The following RGS6 variants were observed in gnomAD, a reference collection of about 807,000 sequenced individuals.
RGS6 encodes regulator of G protein signaling 6.
RGS6 carries 30 observed loss-of-function variants against 78.5 expected under a neutral mutation model. The observed-to-expected ratio is 0.38, with a 90% CI of 0.29 to 0.52. RGS6 has a LOEUF of 0.52. RGS6 is among the 20% of genes least tolerant of loss of function. The pLI is 0.85. For missense variants in RGS6, 495 were observed against 609.7 expected (o/e 0.81, Z 1.98); for synonymous variants, 206 against 206.0 (o/e 1.00, Z 0.00).
At chr14:71,960,012 G>A (rs2153033712) in intron 1 of RGS6, among the ~76,000 whole-genome samples, 1 of 152,248 alleles carries the variant, frequency 6.6e-6, no homozygotes, top group South Asian at 2.1e-4. Context: ...TACCATCGAG[G>A]CCCTTCCTTC....
chr14:72,478,891 G>T (rs904551231), intron 12 of RGS6, among the ~76,000 whole-genome samples: 1 of 152,150 alleles, frequency 6.6e-6, no homozygotes, highest in African/African-American at 2.4e-5. Context: ...GTTCCACTCC[G>T]TTAACTCATG....
the RGS6 span, among the ~76,000 whole-genome samples, chr14:72,573,354 G>A: frequency 6.6e-6 from 1 of 152,194 alleles, no homozygotes; most frequent in Non-Finnish European, 1.5e-5. Context: ...TTCACCACTA[G>A]TAGTGTGGCC....
intron 1 of RGS6, among the ~76,000 whole-genome samples, chr14:71,938,798 C>T (rs2089997322): frequency 1.3e-5 from 2 of 152,182 alleles, no homozygotes; most frequent in Non-Finnish European, 2.9e-5. Flanking sequence ...GACTTGATGA[C>T]CCAGTCAAAC....
intron 3 of RGS6, among the ~76,000 whole-genome samples, chr14:72,402,525 A>G (rs1382771009): frequency 6.6e-6 from 1 of 152,182 alleles, no homozygotes; most frequent in Non-Finnish European, 1.5e-5. Context: ...CACCATCATC[A>G]GGGAAATGCA....
intron 17 of RGS6, chr14:72,541,480 A>T (rs1206579928): frequency 2.6e-6 from 4 of 1,535,554 alleles, no homozygotes; most frequent in South Asian, 2.4e-5. Context: ...AATGTGCAGA[A>T]CACAAGGCCT....
intron 2 of RGS6, among the ~76,000 whole-genome samples, chr14:72,241,583 T>TCA (rs891707971): frequency 1.3e-5 from 2 of 152,202 alleles, no homozygotes; most frequent in Non-Finnish European, 2.9e-5. Context: ...ATAATTTAGA[T>TCA]CACACAATGT....
intron 15 of RGS6, among the ~76,000 whole-genome samples, chr14:72,527,139 G>A (rs2097129559): frequency 6.6e-6 from 1 of 152,206 alleles, no homozygotes; most frequent in African/African-American, 2.4e-5. Context: ...CCAGAGCCTG[G>A]GCCATCCCTG....
intron 1 of RGS6, among the ~76,000 whole-genome samples, chr14:71,936,659 T>G (rs961119986): frequency 3.3e-5 from 5 of 152,308 alleles, no homozygotes; most frequent in African/African-American, 1.2e-4. Context: ...CAATCCCCAA[T>G]GCAAATACTA....
At chr14:72,225,513 G>A (rs1599861098) in intron 2 of RGS6, among the ~76,000 whole-genome samples, 1 of 152,092 alleles carries the variant, frequency 6.6e-6, no homozygotes, top group East Asian at 1.9e-4. Context: ...TAATTTTGTA[G>A]AAATGGGTTT....
At chr14:72,378,851 T>C (rs1226205544) in intron 3 of RGS6, among the ~76,000 whole-genome samples, 2 of 152,022 alleles carry the variant, frequency 1.3e-5, no homozygotes, top group African/African-American at 4.8e-5. Context: ...GAGACCAGTG[T>C]AACTAACTAG....
the RGS6 span, among the ~76,000 whole-genome samples, chr14:72,578,196 T>TC: frequency 1.3e-5 from 2 of 152,230 alleles, no homozygotes; most frequent in Admixed American, 6.5e-5. Flanking sequence ...AAAGGAATGC[T>TC]CTTAGACTTT....
chr14:72,620,004 G>C, the RGS6 span: 1 of 1,526,208 alleles, frequency 6.6e-7, no homozygotes, highest in African/African-American at 1.4e-5. Context: ...CACAGAGTAA[G>C]CACAGAGGAG....
At chr14:72,279,851 CA>C (rs1388467452) in intron 2 of RGS6, among the ~76,000 whole-genome samples, 1 of 152,070 alleles carries the variant, frequency 6.6e-6, no homozygotes, top group Non-Finnish European at 1.5e-5. Context: ...CAAAGAAAAG[CA>C]AAAGAACTGA....
At chr14:71,910,252 T>C in the RGS6 span, among the ~76,000 whole-genome samples, 5 of 152,166 alleles carry the variant, frequency 3.3e-5, no homozygotes, top group African/African-American at 1.2e-4. Flanking sequence ...AGAGAAGAGC[T>C]CTCTCTGTGC....
chr14:72,245,444 G>A (rs2053986030), intron 2 of RGS6, among the ~76,000 whole-genome samples: 1 of 152,228 alleles, frequency 6.6e-6, no homozygotes, highest in Non-Finnish European at 1.5e-5. Flanking sequence ...TAAATTAACT[G>A]AAAGTATCCC....
chr14:72,268,895 C>G (rs847343), intron 2 of RGS6, among the ~76,000 whole-genome samples: 150,356 of 152,308 alleles, frequency 0.99, 74,223 homozygotes, highest in East Asian at 1. Flanking sequence ...CAGAGGGGGA[C>G]TTTTAGGTTC....
At chr14:71,903,067 C>T in the RGS6 span, among the ~76,000 whole-genome samples, 1 of 152,196 alleles carries the variant, frequency 6.6e-6, no homozygotes, top group African/African-American at 2.4e-5. Flanking sequence ...TTAGGTATGG[C>T]AGGGTTAAGC....
At chr14:71,890,228 G>A in the RGS6 span, among the ~76,000 whole-genome samples, 1 of 152,144 alleles carries the variant, frequency 6.6e-6, no homozygotes, top group Admixed American at 6.5e-5. Context: ...GACTCATTTT[G>A]TGTCATTTTA....
At chr14:72,545,794 C>T (rs367822792) in intron 17 of RGS6, among the ~76,000 whole-genome samples, 2 of 152,162 alleles carry the variant, frequency 1.3e-5, no homozygotes, top group Non-Finnish European at 2.9e-5. Flanking sequence ...AGGGTTCACT[C>T]GTCCACGGTG....
Sources: gnomAD v4.1 joint callset for allele counts (sites outside exome capture counted in the v4.1 genomes callset) on GRCh38, gnomAD v4.1.1 for gene constraint, MANE v1.5 for transcripts, NCBI Gene and HGNC (gene_info 2026-07-23, HGNC 2026-07-21) for gene names.